Variants in DNAH7 observed in about 807,000 individuals in gnomAD.
The protein encoded by DNAH7 is dynein axonemal heavy chain 7.
DNAH7 carries 397 observed loss-of-function variants against 444.6 expected under a neutral mutation model. The observed-to-expected ratio is 0.89, with a 90% confidence interval of 0.82 to 0.97. The LOEUF (loss-of-function observed/expected upper bound fraction) is 0.97, where lower values mean the gene tolerates loss of function less well. DNAH7 is among the 50% of genes least tolerant of loss of function. The pLI, the probability that DNAH7 is intolerant of heterozygous loss-of-function variation, is 0.00. For synonymous variants in DNAH7, 1,636 were observed against 1,624.4 expected, an observed-to-expected ratio of 1.01 and a Z score of -0.17; for missense variants, 4,902 against 4,800.8, an observed-to-expected ratio of 1.02 and a Z score of -0.62.
At chr2:195,817,600 T>C (rs1697284813) in intron 50 of DNAH7, 96 bp downstream of exon 50, 1 of 1,283,770 alleles carries the variant, frequency 7.8e-7, no homozygotes, top group South Asian at 1.7e-5. Flanking sequence ...GCAGTATTCC[T>C]ATTAAATCTA....
At chr2:195,872,549 C>A (rs1574628354) in intron 39 of DNAH7, 80 bp from the exon 40 acceptor site, 2 of 871,278 alleles carry the variant, frequency 2.3e-6, no homozygotes, top group Non-Finnish European at 3.4e-6. Context: ...TTTAGCAGGA[C>A]CAACATAAAA....
At chr2:196,024,653 A>T in intron 7 of DNAH7, 149 bp from the exon 8 acceptor site, 1 of 470,364 alleles carries the variant, frequency 2.1e-6, no homozygotes, top group Non-Finnish European at 3.6e-6. Flanking sequence ...TTATGAGGAG[A>T]AGAAAATTTT....
chr2:195,800,521 C>T lies in DNAH7; in HGVS notation c.10177-1049G>A, dbSNP rs552534912. 1.3e-4 allele frequency among the ~76,000 whole-genome samples: 20 copies of T among 152,232 alleles called. No individual in the cohort carries two copies. In the Middle Eastern group the frequency reaches 0.014, roughly 104 times the overall value. On this transcript the variant is annotated intron_variant, in intron 54 of 64. Transcript: ENST00000312428. The stretch of plus-strand genomic sequence containing the variant: ...CAATATATAGCAAAGCAAGGAAGGC[C>T]TAAAAATGCTTCTCCCTGAACAGGG...
At chr2:195,847,946 C>T (rs759996836) in intron 46 of DNAH7, among the ~76,000 whole-genome samples, 16 of 152,144 alleles carry the variant, frequency 1.1e-4, no homozygotes, top group Admixed American at 6.5e-4. Flanking sequence ...TACTACAAGC[C>T]AAGGTTCGTG....
Position 196,022,062 on chromosome 2 carries a change from G to T in DNAH7, c.743+2367C>A, listed in dbSNP as rs141284980. 7.1e-3 allele frequency among the ~76,000 whole-genome samples: 1,078 copies of T among 152,196 alleles called. 7 individuals carry two copies. The highest frequency in any genetic ancestry group is 0.024 in the African/African-American group (1,015 of 41,510). On this transcript the variant is annotated intron_variant, in intron 8 of 64. Transcript: ENST00000312428. The stretch of plus-strand genomic sequence containing the variant: ...GAATCGCTTGAAACCCAGAGGCAGA[G>T]GTTGCAGTGAGCCAAGATCACACCA...
Position 195,960,776 on chromosome 2 carries a change from T to A in DNAH7, c.2375A>T (p.Asn792Ile), listed in dbSNP as rs550370950. Residue 792 changes from asparagine (N) to isoleucine (I), a missense_variant, in exon 18 of 65, where the codon AAT becomes ATT. Transcript: ENST00000312428. ...AATATCTGCTTCTACTTGGTCTGGATTCACTTTATGATATGGCCCTTCTGT... is the reference window on the plus strand; with the variant it reads ...AATATCTGCTTCTACTTGGTCTGGAATCACTTTATGATATGGCCCTTCTGT... ...AWTEGPYHKV[N>I]PDQVEADIGN... The A allele has an allele frequency of 6.2e-7, 1 of 1,614,044 alleles. No individual in the cohort carries two copies. The highest frequency in any genetic ancestry group is 8.5e-7 in the Non-Finnish European group (1 of 1,180,032).
intron 14 of DNAH7, among the ~76,000 whole-genome samples, chr2:195,985,305 G>C (rs1463077415): frequency 6.6e-6 from 1 of 152,190 alleles, no homozygotes; most frequent in Non-Finnish European, 1.5e-5. Context: ...GAGTGGAACA[G>C]CATGGGGATA....
intron 47 of DNAH7, among the ~76,000 whole-genome samples, chr2:195,843,263 G>A (rs556350709): frequency 2.0e-5 from 3 of 152,068 alleles, no homozygotes; most frequent in Non-Finnish European, 4.4e-5. Flanking sequence ...TGTAAAAGGC[G>A]CTTAAAAATC....
intron 8 of DNAH7, among the ~76,000 whole-genome samples, chr2:196,021,074 T>C (rs1575039950): frequency 6.6e-6 from 1 of 152,196 alleles, no homozygotes; most frequent in African/African-American, 2.4e-5. Flanking sequence ...TATATTTCCA[T>C]CCATGTAATA....
intron 2 of DNAH7, among the ~76,000 whole-genome samples, chr2:196,054,569 T>C (rs949347369): frequency 3.9e-5 from 6 of 152,136 alleles, no homozygotes; most frequent in Non-Finnish European, 5.9e-5. Context: ...TACACCTACC[T>C]ATACTGTTCT....
chr2:195,818,173 T>C (rs1334641240), intron 49 of DNAH7, among the ~76,000 whole-genome samples: 2 of 152,194 alleles, frequency 1.3e-5, no homozygotes, highest in East Asian at 1.9e-4. Flanking sequence ...GATCAGAGCA[T>C]GGTATAATAT....
chr2:195,881,991 C>A lies in DNAH7; in HGVS notation c.5765G>T (p.Gly1922Val). 1 of 1,612,254 alleles carries A rather than the reference C, an allele frequency of 6.2e-7. No homozygotes were observed. Among genetic ancestry groups the A allele is most frequent in the Non-Finnish European group, 8.5e-7 (1 of 1,178,886 alleles). Reference protein sequence around the residue: ...TIYDYQFVTEGIGKWEPWIKK... With the variant: ...TIYDYQFVTEVIGKWEPWIKK... ...TATCCATGGTTCCCATTTTCCTATT[C>A]CCTGTTTATAATTAACAACCAAGTA... Residue 1922 changes from glycine (G) to valine (V), a missense_variant and splice_region_variant, in exon 36 of 65, where the codon GGA becomes GTA. By Grantham distance (109) the Gly-to-Val change is moderately radical. Transcript: ENST00000312428.
chr2:195,873,548 A>C lies in DNAH7; in HGVS notation c.6413+20T>G, dbSNP rs752639347. ...TTTTATACCTCCTAATTAAAAAAAAAACAAATTTTGATTACTTACCAGATT... is the reference window on the plus strand; with the variant it reads ...TTTTATACCTCCTAATTAAAAAAAACACAAATTTTGATTACTTACCAGATT... On this transcript the variant is annotated intron_variant, in intron 39 of 64. Coordinates refer to ENST00000312428, the MANE Select transcript of DNAH7 (RefSeq NM_018897.3). 2 of 1,292,596 alleles carry C rather than the reference A, an allele frequency of 1.5e-6. No individual in the cohort carries two copies. The highest frequency in any genetic ancestry group is 1.5e-5 in the African/African-American group (1 of 64,954). 80.1% of individuals were successfully genotyped at this position (1,292,596 alleles called of 1,614,324 possible). A position where few individuals can be genotyped will look rare whatever the true frequency, so the allele number is the denominator to read the frequency against.
At chr2:195,749,733 C>T (rs1408303159) in intron 63 of DNAH7, among the ~76,000 whole-genome samples, 1 of 149,832 alleles carries the variant, frequency 6.7e-6, no homozygotes, top group Non-Finnish European at 1.5e-5. Flanking sequence ...ATCGCAAGAA[C>T]AAGAAACCAA....
chr2:195,891,731 C>T lies in DNAH7; in HGVS notation c.4970G>A (p.Gly1657Glu). 1 of 1,609,624 alleles carries T rather than the reference C, an allele frequency of 6.2e-7. No homozygotes were observed. Among genetic ancestry groups the T allele is most frequent in the Non-Finnish European group, 8.5e-7 (1 of 1,178,014 alleles). The part of the protein sequence containing the change: ...PKSVTMGQLY[G>E]QFDSVSHEWS... The stretch of plus-strand genomic sequence containing the variant: ...TTCATGGGACACTGAATCAAACTGT[C>T]CGTACAGTTGGCCCATGGTGACAGA... The change falls in exon 31 of 65, where the codon GGA (glycine) becomes GAA (glutamate). Residue 1657 changes from glycine (G) to glutamate (E), a missense_variant. Physicochemically the swap from Gly to Glu is moderately conservative, Grantham distance 98. Transcript: ENST00000312428.
At chr2:195,774,455 A>G (rs1694977980) in intron 60 of DNAH7, among the ~76,000 whole-genome samples, 1 of 147,612 alleles carries the variant, frequency 6.8e-6, no homozygotes, top group Non-Finnish European at 1.5e-5. Context: ...CCATTATGCT[A>G]TTACTAATGA....
intron 23 of DNAH7, among the ~76,000 whole-genome samples, chr2:195,922,630 C>T (rs528107689): frequency 9.6e-4 from 146 of 152,208 alleles, no homozygotes; most frequent in African/African-American, 2.1e-3. Flanking sequence ...TTTCCCAGGA[C>T]GCTAGTTCTC....
At chr2:195,946,707 T>C (rs985684007) in intron 19 of DNAH7, among the ~76,000 whole-genome samples, 1 of 152,094 alleles carries the variant, frequency 6.6e-6, no homozygotes. Flanking sequence ...CCCTCTTACT[T>C]TCTCTCTCCC....
chr2:196,056,107 A>G (rs1697784803), intron 2 of DNAH7, among the ~76,000 whole-genome samples: 1 of 152,236 alleles, frequency 6.6e-6, no homozygotes, highest in Non-Finnish European at 1.5e-5. Flanking sequence ...GATTCCAGAC[A>G]TGGCTGCAGT....
Sources: gnomAD v4.1 joint callset for allele counts (sites outside exome capture counted in the v4.1 genomes callset) on GRCh38, gnomAD v4.1.1 for gene constraint, MANE v1.5 for transcripts, NCBI Gene and HGNC (gene_info 2026-07-23, HGNC 2026-07-21) for gene names.